The following LRRC27 variants were observed in gnomAD, a reference collection of about 807,000 sequenced individuals.
LRRC27 encodes leucine-rich repeat-containing protein 27.
Under a neutral mutation model 55.0 loss-of-function variants are expected in LRRC27, and 57 were observed. The observed-to-expected ratio is 1.04, with a 90% confidence interval of 0.84 to 1.29. The LOEUF is 1.29. Among genes scored for constraint, LRRC27 ranks in the 50% most tolerant of loss-of-function variants. The pLI, the probability that LRRC27 is intolerant of heterozygous loss-of-function variation, is 0.00. For missense variants in LRRC27, 721 were observed against 651.5 expected, an observed-to-expected ratio of 1.11 and a Z score of -1.16; for synonymous variants, 278 against 251.9, an observed-to-expected ratio of 1.10 and a Z score of -0.98.
chr10:132,339,368 T>C (rs1277041640), intron 3 of LRRC27, among the ~76,000 whole-genome samples: 3 of 152,200 alleles, frequency 2.0e-5, no homozygotes, highest in African/African-American at 7.2e-5. Flanking sequence ...CATGCATCAC[T>C]CACCCTTCAG....
At chr10:132,364,813 C>CTCATGCAGTCCGCGT in intron 9 of LRRC27, among the ~76,000 whole-genome samples, 1 of 121,962 alleles carries the variant, frequency 8.2e-6, no homozygotes, top group African/African-American at 3.5e-5. Context: ...CACACTTACA[C>CTCATGCAGTCCGCGT]CCACCCTTAC....
intron 6 of LRRC27, chr10:132,349,036 C>T (rs767684100): frequency 1.5e-5 from 24 of 1,608,476 alleles, no homozygotes; most frequent in African/African-American, 1.3e-4. Context: ...CGTGGTAGGG[C>T]GTGCGCCTAC....
upstream of LRRC27, among the ~76,000 whole-genome samples, chr10:132,331,067 G>A (rs1482518948): frequency 6.6e-6 from 1 of 151,298 alleles, no homozygotes; most frequent in Non-Finnish European, 1.5e-5. Context: ...TGGACGTGGT[G>A]GCGCGCGCCT....
At chr10:132,343,785 C>T (rs940547238) in intron 4 of LRRC27, among the ~76,000 whole-genome samples, 1 of 152,220 alleles carries the variant, frequency 6.6e-6, no homozygotes, top group African/African-American at 2.4e-5. Flanking sequence ...ACCCTGGCTC[C>T]CTCAGATTGG....
intron 8 of LRRC27, 70 bp downstream of exon 8, chr10:132,355,956 C>A: frequency 9.2e-7 from 1 of 1,088,460 alleles, no homozygotes; most frequent in South Asian, 1.4e-5. Flanking sequence ...CACAGGCATC[C>A]CTGTCCATGG....
At chr10:132,337,795 T>G in intron 3 of LRRC27, 100 bp downstream of exon 3, 4 of 1,382,162 alleles carry the variant, frequency 2.9e-6, no homozygotes, top group Non-Finnish European at 4.0e-6. Flanking sequence ...AATTTTTACC[T>G]CGGAATAGAA....
intron 8 of LRRC27, 85 bp from the exon 9 acceptor site, chr10:132,361,372 C>A: frequency 8.8e-7 from 1 of 1,132,798 alleles, no homozygotes; most frequent in Non-Finnish European, 1.3e-6. Context: ...GGACGAGGAG[C>A]TAGTCTAACA....
intron 6 of LRRC27, chr10:132,351,369 GTAGC>G: frequency 2.0e-6 from 1 of 489,466 alleles, no homozygotes; most frequent in Non-Finnish European, 3.7e-6. Context: ...TCCCGGGAAA[GTAGC>G]TGGCTGGCAG....
Position 132,344,596 on chromosome 10 carries a change from T to C in LRRC27, c.499T>C (p.Phe167Leu). The change falls in exon 5 of 11, where the codon TTC becomes CTC. Residue 167 changes from phenylalanine to leucine, a missense_variant. Physicochemically the swap from Phe to Leu is conservative, Grantham distance 22. Coordinates refer to ENST00000368614, the MANE Select transcript of LRRC27 (RefSeq NM_030626.3). ...GAAGGGATTGGTGGCTATCCAGCGC[T>C]TCCTGCGGATGTGGGCAGTAGAACA... ...VQKGLVAIQR[F>L]LRMWAVEHSL... 6.2e-7 allele frequency: 1 copy of C among 1,614,182 alleles called. No homozygotes were observed. Among genetic ancestry groups the C allele is most frequent in the Non-Finnish European group, 8.5e-7 (1 of 1,180,016 alleles).
chr10:132,366,802 G>T lies in LRRC27; in HGVS notation c.1416+1252G>T, dbSNP rs1055239926. Reference sequence around the variant, plus strand: ...GCCTTCCTGTCCCCACACCCCATCTGCAGGCTCCATTCCCACCATTTCCGC... The same window carrying T: ...GCCTTCCTGTCCCCACACCCCATCTTCAGGCTCCATTCCCACCATTTCCGC... On this transcript the variant is annotated intron_variant, in intron 10 of 10. Transcript: ENST00000368614. 44 of 1,216,130 alleles carry T rather than the reference G, an allele frequency of 3.6e-5. No homozygotes were observed. In the Admixed American group the frequency reaches 9.8e-4, roughly 27 times the overall value. The allele number at this position is 1,216,130 out of a possible 1,614,324, so 75.3% of individuals were successfully genotyped here.
chr10:132,331,920 C>A (rs2066780394), upstream of LRRC27: 2 of 705,028 alleles, frequency 2.8e-6, no homozygotes, highest in Non-Finnish European at 4.3e-6. Flanking sequence ...ACCACAACCC[C>A]CCCACCGCAA....
rs117516165 is a variant in LRRC27, at chr10:132,341,779, T to A, written c.342-434T>A. The stretch of plus-strand genomic sequence containing the variant: ...AAACACTGGGATTCCTCACTGCACA[T>A]CTTAGGAAAGACTGGTTTACAGTGA... On this transcript the variant is annotated intron_variant, in intron 3 of 10. Coordinates refer to ENST00000368614, the MANE Select transcript of LRRC27 (RefSeq NM_030626.3). Among the ~76,000 whole-genome samples the A allele has an allele frequency of 4.1e-3, 620 of 152,326 alleles. 1 individual carries two copies. The highest frequency in any genetic ancestry group is 6.9e-3 in the Non-Finnish European group (467 of 68,024).
upstream of LRRC27, chr10:132,330,296 AGTAAAT>A: frequency 1.6e-6 from 1 of 618,736 alleles, no homozygotes; most frequent in Non-Finnish European, 3.0e-6. Context: ...TCAAATGGTT[AGTAAAT>A]GTTTTATTTG....
upstream of LRRC27, chr10:132,331,888 CCT>C: frequency 9.4e-7 from 1 of 1,059,226 alleles, no homozygotes; most frequent in Non-Finnish European, 1.3e-6. Context: ...CGCACCACCC[CCT>C]GCCACCCCCG....
At chr10:132,346,422 A>T (rs2067691653) in intron 5 of LRRC27, among the ~76,000 whole-genome samples, 1 of 152,160 alleles carries the variant, frequency 6.6e-6, no homozygotes, top group South Asian at 2.1e-4. Flanking sequence ...CACGCCTGTG[A>T]TCCCAGCACT....
rs1319433145 is a variant in LRRC27 at position 132,361,526 on chromosome 10, A to G, written c.1240A>G (p.Lys414Glu). 9 of 1,613,874 alleles carry G rather than the reference A, an allele frequency of 5.6e-6. No homozygotes were observed. Among genetic ancestry groups the G allele is most frequent in the Non-Finnish European group, 6.8e-6 (8 of 1,180,012 alleles). ...GAAAGTACCACTGAATCCGCCTGGA[A>G]AAATGAAACCAAGCAAAGAGAAATC... ...NRKVPLNPPG[K>E]MKPSKEKSPQ... Residue 414 changes from lysine (K) to glutamate (E), a missense_variant, in exon 9 of 11, where the codon AAA (lysine) becomes GAA (glutamate). Transcript: ENST00000368614.
chr10:132,337,141 A>G, intron 2 of LRRC27: 1 of 1,200,260 alleles, frequency 8.3e-7, no homozygotes, highest in South Asian at 2.0e-5. Flanking sequence ...TGAGTCCCCC[A>G]GACCAGACAT....
At chr10:132,367,651 A>G (rs1452530771) in intron 10 of LRRC27, among the ~76,000 whole-genome samples, 1 of 152,256 alleles carries the variant, frequency 6.6e-6, no homozygotes, top group African/African-American at 2.4e-5. Flanking sequence ...GCATCTGACA[A>G]AATATAACAC....
At chr10:132,344,692 A>G (rs1238922309) in intron 5 of LRRC27, 42 bp downstream of exon 5, 1 of 1,600,704 alleles carries the variant, frequency 6.2e-7, no homozygotes, top group Non-Finnish European at 8.6e-7. Flanking sequence ...TTAACGTTGA[A>G]GTTACAGCTT....
Sources: gnomAD v4.1 joint callset for allele counts (sites outside exome capture counted in the v4.1 genomes callset) on GRCh38, gnomAD v4.1.1 for gene constraint, MANE v1.5 for transcripts, NCBI Gene and HGNC (gene_info 2026-07-23, HGNC 2026-07-21) for gene names.